Variants in CNNM2 observed in about 807,000 individuals in gnomAD.
CNNM2 encodes metal transporter CNNM2.
CNNM2 carries 12 observed loss-of-function variants against 66.9 expected under a neutral mutation model. The ratio of observed to expected loss-of-function variants is 0.18; its 90% CI spans 0.11 to 0.29. The LOEUF (loss-of-function observed/expected upper bound fraction) is 0.29, where lower values mean the gene tolerates loss of function less well. Among genes scored for constraint, CNNM2 ranks in the 10% least tolerant of loss-of-function variants. The pLI, the probability that CNNM2 is intolerant of heterozygous loss-of-function variation, is 1.00. For synonymous variants in CNNM2, 557 were observed against 501.8 expected (o/e 1.11, Z -1.47); for missense variants, 705 against 1,167.7 (o/e 0.60, Z 5.77).
At chr10:103,008,646 G>T (rs577248008) in intron 1 of CNNM2, among the ~76,000 whole-genome samples, 95 of 152,130 alleles carry the variant, frequency 6.2e-4, no homozygotes, top group Admixed American at 2.9e-3. Flanking sequence ...GGGCGTGGTG[G>T]CACATGCCTG....
At chr10:102,977,322 A>G (rs2063650684) in intron 1 of CNNM2, among the ~76,000 whole-genome samples, 1 of 152,174 alleles carries the variant, frequency 6.6e-6, no homozygotes. Context: ...AAAATCCAAA[A>G]TCTGAAATGC....
intron 1 of CNNM2, among the ~76,000 whole-genome samples, chr10:103,020,440 G>C (rs2134284726): frequency 6.6e-6 from 1 of 152,220 alleles, no homozygotes; most frequent in South Asian, 2.1e-4. Flanking sequence ...ACAGGCATGA[G>C]CACTTTTGAA....
chr10:103,052,291 CAA>C (rs796393539), intron 2 of CNNM2, among the ~76,000 whole-genome samples: 1 of 131,186 alleles, frequency 7.6e-6, no homozygotes. Flanking sequence ...AAAAAAAAAA[CAA>C]AAAAAAAAAA....
At chr10:102,940,003 A>AAAAAAAAC (rs1564813417) in intron 1 of CNNM2, among the ~76,000 whole-genome samples, 37 of 150,772 alleles carry the variant, frequency 2.5e-4, no homozygotes, top group African/African-American at 4.9e-4. Context: ...ACAACAACAA[A>AAAAAAAAC]AAAAAAACCG....
chr10:102,953,562 T>A (rs557963011), intron 1 of CNNM2, among the ~76,000 whole-genome samples: 3 of 151,454 alleles, frequency 2.0e-5, no homozygotes, highest in Admixed American at 2.0e-4. Flanking sequence ...GTGCCCGGCC[T>A]ATTTATTTAT....
At position 103,054,048 on chromosome 10, in the gene CNNM2, C is replaced by G. The variant is rs2065257500; in HGVS notation, c.1766-281C>G. Reference sequence around the variant, plus strand: ...AGGCTCTGTCAGCATTTGCCTGATGCTGTGCTCACAAGGGCCCTCTACAGA... The same window carrying G: ...AGGCTCTGTCAGCATTTGCCTGATGGTGTGCTCACAAGGGCCCTCTACAGA... On this transcript the variant is annotated intron_variant, in intron 2 of 7. Transcript: ENST00000369878. The surrounding 1 kb of genome is among the most constrained non-coding windows in gnomAD (Gnocchi z 5.2). 6.6e-6 allele frequency among the ~76,000 whole-genome samples: 1 copy of G among 152,128 alleles called. No individual in the cohort carries two copies. Among genetic ancestry groups the G allele is most frequent in the Admixed American group, 6.5e-5 (1 of 15,272 alleles).
intron 1 of CNNM2, among the ~76,000 whole-genome samples, chr10:102,989,441 A>G (rs1183441625): frequency 6.6e-6 from 1 of 151,022 alleles, no homozygotes; most frequent in Non-Finnish European, 1.5e-5. Flanking sequence ...CTTTCCTTGT[A>G]TTTTAGGGAA....
rs2065796665 is a variant in CNNM2 at position 103,085,483 on chromosome 10, T to C, written c.*8303T>C. ...TGCTGCCTTTCGTGGGAAAAATGTG[T>C]GCTCAGCTGCTTGGGCTCCAGTTTG... On this transcript the variant is annotated 3_prime_UTR_variant, in exon 8 of 8. Transcript: ENST00000369878. 1 of 152,226 alleles carries C rather than the reference T, an allele frequency of 6.6e-6. No individual in the cohort carries two copies. The highest frequency in any genetic ancestry group is 6.5e-5 in the Admixed American group (1 of 15,288). 9.4% of individuals were successfully genotyped at this position (152,226 alleles called of 1,614,324 possible). A position where few individuals can be genotyped will look rare whatever the true frequency, so the allele number is the denominator to read the frequency against.
At chr10:103,026,675 A>AG (rs1383519375) in intron 1 of CNNM2, among the ~76,000 whole-genome samples, 1 of 151,428 alleles carries the variant, frequency 6.6e-6, no homozygotes, top group African/African-American at 2.4e-5. Flanking sequence ...TACTTAATCC[A>AG]GGGGAGTTTA....
At chr10:102,969,641 A>G (rs1457208722) in intron 1 of CNNM2, among the ~76,000 whole-genome samples, 1 of 151,780 alleles carries the variant, frequency 6.6e-6, no homozygotes, top group African/African-American at 2.4e-5. Flanking sequence ...GTTGTGGTTC[A>G]CTGTTTTGTT....
Position 102,918,305 on chromosome 10 carries a change from T to G in CNNM2, c.-176T>G. Reference sequence around the variant, plus strand: ...GCCGGCGCTCCTCTCCCTCCCTCTTTCCCTCCCGCGAGCCTCGGGGTTCCT... The same window carrying G: ...GCCGGCGCTCCTCTCCCTCCCTCTTGCCCTCCCGCGAGCCTCGGGGTTCCT... On this transcript the variant is annotated 5_prime_UTR_variant, in exon 1 of 8. Coordinates refer to ENST00000369878, the MANE Select transcript of CNNM2 (RefSeq NM_017649.5). The surrounding 1 kb of genome is among the most constrained non-coding windows in gnomAD (Gnocchi z 4.1). 1 of 1,141,632 alleles carries G rather than the reference T, an allele frequency of 8.8e-7. No homozygotes were observed. The highest frequency in any genetic ancestry group is 1.2e-6 in the Non-Finnish European group (1 of 847,644). The allele number at this position is 1,141,632 out of a possible 1,614,324, so 70.7% of individuals were successfully genotyped here. A position where few individuals can be genotyped will look rare whatever the true frequency, so the allele number is the denominator to read the frequency against.
intron 1 of CNNM2, among the ~76,000 whole-genome samples, chr10:103,037,920 A>G (rs1023470826): frequency 6.6e-6 from 1 of 151,732 alleles, no homozygotes; most frequent in Admixed American, 6.6e-5. Context: ...GCTCACTGCA[A>G]CCTCCACCTC....
In CNNM2 at chr10:103,063,107, GGTCA is replaced by G. The variant is rs149675275; in HGVS notation, c.2074-5516_2074-5513del. ...TGGTGGTAGCACTTGATTGGAAAAT[GGTCA>G]GTCAGATGGTCCAAAATGTGTCTAA... On this transcript the variant is annotated intron_variant, in intron 4 of 7. Coordinates refer to ENST00000369878, the MANE Select transcript of CNNM2 (RefSeq NM_017649.5). Among the ~76,000 whole-genome samples, 1,065 of 152,316 alleles carry G rather than the reference GGTCA, an allele frequency of 7.0e-3. 13 individuals are homozygous for G. The highest frequency in any genetic ancestry group is 0.02 in the Middle Eastern group (6 of 294).
chr10:103,071,807 G>T lies in CNNM2; in HGVS notation c.2201G>T (p.Ser734Ile). The T allele has an allele frequency of 6.2e-7, 1 of 1,613,920 alleles. No homozygotes were observed. The highest frequency in any genetic ancestry group is 8.5e-7 in the Non-Finnish European group (1 of 1,179,876). The part of the protein sequence containing the change: ...PLSLSRTFVV[S>I]RTELLAAGSP... Reference sequence around the variant, plus strand: ...TCCCTGTCTCGTACCTTTGTTGTCAGCAGAACAGAGTTGTTAGCAGCAGGT... The same window carrying T: ...TCCCTGTCTCGTACCTTTGTTGTCATCAGAACAGAGTTGTTAGCAGCAGGT... The change falls in exon 6 of 8, where the codon AGC (serine) becomes ATC (isoleucine). Residue 734 changes from serine (S) to isoleucine (I), a missense_variant. Transcript: ENST00000369878.
chr10:103,032,520 C>T (rs1035718529), intron 1 of CNNM2, among the ~76,000 whole-genome samples: 3 of 152,046 alleles, frequency 2.0e-5, no homozygotes, highest in African/African-American at 7.2e-5. Flanking sequence ...TCCAGAATGC[C>T]ACTGTTAACA....
At chr10:103,032,608 ATAT>A (rs2064848748) in intron 1 of CNNM2, among the ~76,000 whole-genome samples, 1 of 151,534 alleles carries the variant, frequency 6.6e-6, no homozygotes, top group African/African-American at 2.4e-5. Context: ...ACATACTATA[ATAT>A]TCTACATGAC....
intron 6 of CNNM2, among the ~76,000 whole-genome samples, chr10:103,072,637 A>G (rs1270925888): frequency 6.6e-6 from 1 of 152,250 alleles, no homozygotes. Flanking sequence ...GTCCTAACTA[A>G]TACGTCCAGC....
intron 4 of CNNM2, among the ~76,000 whole-genome samples, chr10:103,066,380 C>T (rs2065476668): frequency 6.6e-6 from 1 of 152,178 alleles, no homozygotes. Context: ...CTCCTGTCTC[C>T]CTGATGGCTT....
intron 1 of CNNM2, among the ~76,000 whole-genome samples, chr10:102,939,969 A>G (rs1338351991): frequency 6.9e-6 from 1 of 145,046 alleles, no homozygotes; most frequent in African/African-American, 2.6e-5. Flanking sequence ...CTCCATCTCA[A>G]AAAACAAACA....
Sources: gnomAD v4.1 joint callset for allele counts (sites outside exome capture counted in the v4.1 genomes callset) on GRCh38, gnomAD v4.1.1 for gene constraint, Gnocchi (gnomAD v3.1) non-coding constraint, MANE v1.5 for transcripts, NCBI Gene and HGNC (gene_info 2026-07-23, HGNC 2026-07-21) for gene names.